Variants in RAPGEF2 observed in about 807,000 individuals in gnomAD.
The protein encoded by RAPGEF2 is Rap guanine nucleotide exchange factor 2.
Under a neutral mutation model 186.7 loss-of-function variants are expected in RAPGEF2, and 54 were observed. The ratio of observed to expected loss-of-function variants is 0.29; its 90% CI spans 0.23 to 0.36. The LOEUF (loss-of-function observed/expected upper bound fraction) is 0.36. Among genes scored for constraint, RAPGEF2 ranks in the 10% least tolerant of loss-of-function variants. The probability of loss-of-function intolerance (pLI) is 1.00; values close to 1 mark genes in which losing one functional copy is unlikely to be tolerated. For missense variants in RAPGEF2, 1,532 were observed against 2,045.0 expected (o/e 0.75, Z 4.84); for synonymous variants, 712 against 705.9 (o/e 1.01, Z -0.14).
At chr4:159,305,155 C>G (rs1164692964) in intron 8 of RAPGEF2, among the ~76,000 whole-genome samples, 1 of 152,144 alleles carries the variant, frequency 6.6e-6, no homozygotes, top group African/African-American at 2.4e-5. Context: ...GTGCAGGTAT[C>G]TTTTTGATAC....
intron 1 of RAPGEF2, among the ~76,000 whole-genome samples, chr4:159,133,983 T>C (rs1341945445): frequency 6.6e-6 from 1 of 151,992 alleles, no homozygotes; most frequent in Non-Finnish European, 1.5e-5. Flanking sequence ...CCTCCCAAAG[T>C]GCCAGGATTA....
At chr4:159,241,768 G>A (rs538836542) in intron 6 of RAPGEF2, among the ~76,000 whole-genome samples, 9 of 151,762 alleles carry the variant, frequency 5.9e-5, no homozygotes, top group South Asian at 4.2e-4. Flanking sequence ...ACATTTTAGC[G>A]CCCTCCTGTG....
rs1234823722 is a variant in RAPGEF2, at chr4:159,241,221, T to C, written c.378T>C (p.Asn126=). 2.0e-6 allele frequency: 3 copies of C among 1,526,434 alleles called. No individual in the cohort carries two copies. The highest frequency in any genetic ancestry group is 2.6e-6 in the Non-Finnish European group (3 of 1,141,350). 94.6% of individuals were successfully genotyped at this position (1,526,434 alleles called of 1,614,324 possible). ...TTCAGGTGGACTATATGGATGAAAA[T>C]GAAGAATATTTTCAGCGGCAAGCTT... ...EMIVVDYMDE[N]EEYFQRQASH... The change falls in exon 6 of 30, where the codon AAT becomes AAC. Residue 126 remains asparagine, a synonymous_variant. Transcript: ENST00000691494.
At position 159,331,466 on chromosome 4, in the gene RAPGEF2, C is replaced by T. The variant is rs1206419032; in HGVS notation, c.1503C>T (p.His501=). ...TAGTATTATTGTGGGTAAATAATCA[C>T]TTCAATGACTTTGAAGGAGATCCTG... The part of the protein sequence containing the change: ...TRVVLLWVNN[H]FNDFEGDPAM... Residue 501 remains histidine, a synonymous_variant, in exon 14 of 30, where the codon CAC becomes CAT. Transcript: ENST00000691494. 1 of 1,613,002 alleles carries T rather than the reference C, an allele frequency of 6.2e-7. No homozygotes were observed. Among genetic ancestry groups the T allele is most frequent in the Non-Finnish European group, 8.5e-7 (1 of 1,179,294 alleles).
chr4:159,154,331 C>T (rs1202790487), intron 1 of RAPGEF2, among the ~76,000 whole-genome samples: 2 of 152,108 alleles, frequency 1.3e-5, no homozygotes, highest in African/African-American at 4.8e-5. Flanking sequence ...GTGGATCCTT[C>T]TTTCTCAGCA....
At chr4:159,119,119 T>C (rs1018350930) in intron 1 of RAPGEF2, among the ~76,000 whole-genome samples, 7 of 152,176 alleles carry the variant, frequency 4.6e-5, no homozygotes, top group African/African-American at 9.7e-5. Context: ...ACTGCAGATA[T>C]AGGGGTTAAC....
At chr4:159,112,354 T>G (rs1738591060) in intron 1 of RAPGEF2, among the ~76,000 whole-genome samples, 1 of 152,148 alleles carries the variant, frequency 6.6e-6, no homozygotes, top group African/African-American at 2.4e-5. Context: ...TTTGGGAGAT[T>G]TTGATATATG....
At chr4:159,302,051 C>T (rs146517554) in intron 7 of RAPGEF2, among the ~76,000 whole-genome samples, 461 of 152,176 alleles carry the variant, frequency 3.0e-3, no homozygotes, top group African/African-American at 0.01. Context: ...TTAAAAGCAA[C>T]GATATTTCTT....
At chr4:159,149,184 GA>G (rs1326148408) in intron 1 of RAPGEF2, among the ~76,000 whole-genome samples, 1 of 152,174 alleles carries the variant, frequency 6.6e-6, no homozygotes, top group Non-Finnish European at 1.5e-5. Flanking sequence ...TTTATTCATT[GA>G]ATAAACAATA....
chr4:159,282,713 T>A (rs1759890811), intron 7 of RAPGEF2: 1 of 422,834 alleles, frequency 2.4e-6, no homozygotes, highest in Non-Finnish European at 4.6e-6. Context: ...AAGGTAGAAA[T>A]GTCTTTATTT....
intron 1 of RAPGEF2, among the ~76,000 whole-genome samples, chr4:159,140,461 A>T (rs1404584512): frequency 6.6e-6 from 1 of 152,220 alleles, no homozygotes. Context: ...ACTGTTTCTT[A>T]AAAGATATTT....
intron 17 of RAPGEF2, among the ~76,000 whole-genome samples, chr4:159,335,203 T>G (rs1318893946): frequency 6.6e-6 from 1 of 152,100 alleles, no homozygotes; most frequent in Non-Finnish European, 1.5e-5. Flanking sequence ...AATCGGGTGA[T>G]GTGCATAGAG....
intron 1 of RAPGEF2, among the ~76,000 whole-genome samples, chr4:159,157,304 T>A (rs774237085): frequency 6.6e-6 from 1 of 151,904 alleles, no homozygotes; most frequent in Non-Finnish European, 1.5e-5. Flanking sequence ...GTGATAGCAG[T>A]AAAAATGCTG....
chr4:159,321,108 A>C (rs74655555), intron 9 of RAPGEF2, among the ~76,000 whole-genome samples: 1,617 of 152,238 alleles, frequency 0.011, 36 homozygotes, highest in African/African-American at 0.037. Context: ...TAAGCATTTA[A>C]ACATCTGATG....
intron 1 of RAPGEF2, among the ~76,000 whole-genome samples, chr4:159,142,875 A>G (rs1431444494): frequency 6.6e-6 from 1 of 152,188 alleles, no homozygotes; most frequent in African/African-American, 2.4e-5. Flanking sequence ...GTGATTTGTC[A>G]GGGCTGACAC....
At chr4:159,198,320 TTC>T (rs879715426) in intron 3 of RAPGEF2, among the ~76,000 whole-genome samples, 20 of 55,268 alleles carry the variant, frequency 3.6e-4, no homozygotes, top group South Asian at 1.3e-3. Context: ...CTTTCTTTCT[TTC>T]TTTCTTTCTT....
intron 1 of RAPGEF2, among the ~76,000 whole-genome samples, chr4:159,133,860 G>A (rs1365584290): frequency 6.6e-6 from 1 of 152,154 alleles, no homozygotes; most frequent in Non-Finnish European, 1.5e-5. Context: ...TGGGATTACA[G>A]GCGTGAGCCA....
intron 8 of RAPGEF2, among the ~76,000 whole-genome samples, chr4:159,311,767 A>G (rs11100215): frequency 0.33 from 49,670 of 151,982 alleles, 8,690 homozygotes; most frequent in Non-Finnish European, 0.4. Context: ...ACTCCACTTA[A>G]TCTCTAAACA....
At chr4:159,169,687 T>C (rs1029980493) in intron 1 of RAPGEF2, among the ~76,000 whole-genome samples, 7 of 152,166 alleles carry the variant, frequency 4.6e-5, no homozygotes, top group Admixed American at 3.9e-4. Flanking sequence ...GTATTTGCCT[T>C]TGTACGCCTG....
Sources: gnomAD v4.1 joint callset for allele counts (sites outside exome capture counted in the v4.1 genomes callset) on GRCh38, gnomAD v4.1.1 for gene constraint, MANE v1.5 for transcripts, NCBI Gene and HGNC (gene_info 2026-07-23, HGNC 2026-07-21) for gene names.